The following SUMF1 variants were observed in gnomAD, a reference collection of about 807,000 sequenced individuals.
SUMF1 encodes sulfatase modifying factor 1.
Under a neutral mutation model 47.6 loss-of-function variants are expected in SUMF1, and 48 were observed. That is an observed-to-expected ratio of 1.01 (90% CI 0.80 to 1.28). The LOEUF is 1.28. Ranked by LOEUF, SUMF1 falls within the 50% of genes most tolerant of loss-of-function variation. The pLI is 0.00. For missense variants in SUMF1, 571 were observed against 485.4 expected, an observed-to-expected ratio of 1.18 and a Z score of -1.66; for synonymous variants, 230 against 192.1, an observed-to-expected ratio of 1.20 and a Z score of -1.63.
intron 3 of SUMF1, among the ~76,000 whole-genome samples, chr3:4,442,908 C>T (rs968577671): frequency 6.7e-6 from 1 of 148,720 alleles, no homozygotes; most frequent in African/African-American, 2.5e-5. Flanking sequence ...AGCAGCAGAA[C>T]AACATCCTTA....
intron 9 of SUMF1, among the ~76,000 whole-genome samples, chr3:4,066,345 G>A (rs531723957): frequency 1.3e-5 from 2 of 152,200 alleles, no homozygotes; most frequent in South Asian, 4.1e-4. Flanking sequence ...AGTAAAAAGT[G>A]AGGAGATAAC....
chr3:4,192,319 T>C (rs958857768), intron 8 of SUMF1, among the ~76,000 whole-genome samples: 1 of 152,122 alleles, frequency 6.6e-6, no homozygotes, highest in Non-Finnish European at 1.5e-5. Flanking sequence ...AGCAAGCCAC[T>C]TCCCTTCTCT....
chr3:4,443,790 A>AG (rs1702687124), intron 3 of SUMF1, among the ~76,000 whole-genome samples: 1 of 152,138 alleles, frequency 6.6e-6, no homozygotes, highest in Admixed American at 6.6e-5. Flanking sequence ...AAAAAGAGAG[A>AG]GAAAAAAATG....
intron 8 of SUMF1, among the ~76,000 whole-genome samples, chr3:4,173,457 T>G (rs1187675626): frequency 6.6e-6 from 1 of 152,206 alleles, no homozygotes; most frequent in East Asian, 1.9e-4. Flanking sequence ...TCAACCATTG[T>G]GGAAGACAGT....
chr3:4,179,887 A>T (rs1456520013), intron 8 of SUMF1, among the ~76,000 whole-genome samples: 2 of 152,212 alleles, frequency 1.3e-5, no homozygotes, highest in Admixed American at 6.5e-5. Flanking sequence ...GGCAAAGGAT[A>T]TGAACACACA....
At chr3:4,091,887 TA>T (rs56037759) in intron 8 of SUMF1, among the ~76,000 whole-genome samples, 188 of 143,214 alleles carry the variant, frequency 1.3e-3, no homozygotes, top group Middle Eastern at 7.2e-3. Context: ...GTGTGCAATT[TA>T]AAAAAAAAAA....
chr3:4,236,383 A>C (rs1696409930), intron 8 of SUMF1, among the ~76,000 whole-genome samples: 1 of 152,138 alleles, frequency 6.6e-6, no homozygotes, highest in Non-Finnish European at 1.5e-5. Flanking sequence ...CTAAAAAGAA[A>C]AATGAGAAAT....
chr3:4,290,562 C>T (rs1399302134), intron 8 of SUMF1, among the ~76,000 whole-genome samples: 1 of 152,156 alleles, frequency 6.6e-6, no homozygotes, highest in African/African-American at 2.4e-5. Context: ...ATGCTTTTCC[C>T]TTCCCCTCCA....
At chr3:4,332,987 A>C (rs1699079191) in intron 8 of SUMF1, among the ~76,000 whole-genome samples, 1 of 152,172 alleles carries the variant, frequency 6.6e-6, no homozygotes, top group African/African-American at 2.4e-5. Flanking sequence ...AGAATCGGCC[A>C]CTGGATGGCC....
intron 8 of SUMF1, among the ~76,000 whole-genome samples, chr3:4,271,839 G>C (rs1245123250): frequency 6.6e-6 from 1 of 151,942 alleles, no homozygotes; most frequent in Non-Finnish European, 1.5e-5. Context: ...TAAAATCATA[G>C]CTTGTGCTCA....
In SUMF1 at chr3:4,301,458, G is replaced by C. The variant is rs571116523; in HGVS notation, c.1014+74872C>G. Among the ~76,000 whole-genome samples, 21 of 152,324 alleles carry C rather than the reference G, an allele frequency of 1.4e-4. No homozygotes were observed. In the East Asian group the frequency reaches 4.1e-3, roughly 29 times the overall value. ...TAATAACTGGACAAGGATCTTCAAA[G>C]GTCATTGTAGCAGCGGCAGTAAGGG... On this transcript the variant is annotated intron_variant and NMD_transcript_variant, in intron 8 of 12. Transcript: ENST00000448413.
At chr3:4,456,802 G>A (rs2079637620) in intron 1 of SUMF1, among the ~76,000 whole-genome samples, 1 of 144,966 alleles carries the variant, frequency 6.9e-6, no homozygotes, top group African/African-American at 2.6e-5. Context: ...ATATATACGT[G>A]TATATATATA....
chr3:4,204,881 T>C (rs1043797227), intron 8 of SUMF1, among the ~76,000 whole-genome samples: 1 of 152,098 alleles, frequency 6.6e-6, no homozygotes, highest in Non-Finnish European at 1.5e-5. Flanking sequence ...AAATTCAGAA[T>C]TCCTTCTCTG....
At chr3:4,091,393 A>C (rs1692783858) in intron 8 of SUMF1, among the ~76,000 whole-genome samples, 1 of 152,078 alleles carries the variant, frequency 6.6e-6, no homozygotes, top group African/African-American at 2.4e-5. Context: ...AAAGCTGTGT[A>C]TATTTGTGTA....
At chr3:4,204,173 G>C (rs1260998668) in intron 8 of SUMF1, among the ~76,000 whole-genome samples, 1 of 151,996 alleles carries the variant, frequency 6.6e-6, no homozygotes, top group Non-Finnish European at 1.5e-5. Flanking sequence ...GACAGGCCTG[G>C]TGTTGACAAA....
chr3:4,236,137 T>A (rs762904346), intron 8 of SUMF1, among the ~76,000 whole-genome samples: 1 of 152,098 alleles, frequency 6.6e-6, no homozygotes, highest in Admixed American at 6.6e-5. Context: ...GGTTTTGCCA[T>A]GTTGCCCAGG....
intron 8 of SUMF1, among the ~76,000 whole-genome samples, chr3:4,253,496 G>C (rs549268716): frequency 6.6e-6 from 1 of 152,058 alleles, no homozygotes; most frequent in East Asian, 1.9e-4. Context: ...AAAGAAAGGG[G>C]TGACGGACGC....
chr3:4,052,810 G>A (rs1467576033), intron 9 of SUMF1, among the ~76,000 whole-genome samples: 2 of 152,094 alleles, frequency 1.3e-5, no homozygotes, highest in Admixed American at 6.6e-5. Flanking sequence ...CCAGAGTTAG[G>A]TACTTGCTCT....
intron 3 of SUMF1, among the ~76,000 whole-genome samples, chr3:4,424,219 C>G (rs1701996254): frequency 6.6e-6 from 1 of 152,084 alleles, no homozygotes; most frequent in African/African-American, 2.4e-5. Flanking sequence ...TTTTTTATCT[C>G]CTTCCACCCG....
Sources: allele counts gnomAD v4.1 joint callset (sites outside exome capture counted in the v4.1 genomes callset), GRCh38; gene constraint gnomAD v4.1.1; transcripts MANE v1.5; gene names NCBI Gene and HGNC (gene_info 2026-07-23, HGNC 2026-07-21).